INVS: variants seen among roughly 807,000 people sequenced by gnomAD.
INVS encodes the protein inversin.
In INVS, 86 loss-of-function variants were observed where a neutral mutation model predicts 108.8. That is an observed-to-expected ratio of 0.79 (90% confidence interval 0.66 to 0.95). The LOEUF (loss-of-function observed/expected upper bound fraction) is 0.95. INVS is among the 40% of genes least tolerant of loss of function. The pLI, the probability that INVS is intolerant of heterozygous loss-of-function variation, is 0.00. For synonymous variants in INVS, 455 were observed against 473.5 expected, an observed-to-expected ratio of 0.96 and a Z score of 0.51; for missense variants, 1,169 against 1,297.4, an observed-to-expected ratio of 0.90 and a Z score of 1.52.
rs772048589 is a variant in INVS, at chr9:100,284,531, C to T, written c.1996C>T (p.Leu666=). ...RDSRGSPGGS[L]GGALQKEQHV... ...CAGCAGAGGATCTCCAGGAGGGTCT[C>T]TAGGCGGAGCCCTCCAGAAGGAGCA... Residue 666 remains leucine (L), a synonymous_variant, in exon 13 of 17, where the codon CTA becomes TTA. Transcript: ENST00000262457. 2 of 1,613,914 alleles carry T rather than the reference C, an allele frequency of 1.2e-6. No homozygotes were observed. The highest frequency in any genetic ancestry group is 1.7e-5 in the Admixed American group (1 of 60,002).
At chr9:100,223,490 C>T (rs1202910551) in intron 3 of INVS, among the ~76,000 whole-genome samples, 2 of 152,130 alleles carry the variant, frequency 1.3e-5, no homozygotes, top group Admixed American at 6.5e-5. Context: ...ATTTATTAGG[C>T]ACCTATTCTG....
chr9:100,154,583 A>G (rs951034126), intron 3 of INVS, among the ~76,000 whole-genome samples: 1 of 152,006 alleles, frequency 6.6e-6, no homozygotes, highest in Non-Finnish European at 1.5e-5. Context: ...TAACATTATA[A>G]AATGATCTGG....
chr9:100,101,328 G>A (rs1364584885), intron 1 of INVS: 1 of 151,758 alleles, frequency 6.6e-6, no homozygotes. Context: ...ATAGCCTGAG[G>A]ACACACTGCT....
At chr9:100,133,336 T>TTGTG (rs1554715761) in intron 3 of INVS, among the ~76,000 whole-genome samples, 1 of 148,250 alleles carries the variant, frequency 6.7e-6, no homozygotes, top group African/African-American at 2.6e-5. Context: ...TACCTTTACT[T>TTGTG]TATGTGTGTG....
At chr9:100,116,887 G>A (rs1187687963) in intron 2 of INVS, 1 of 1,262,870 alleles carries the variant, frequency 7.9e-7, no homozygotes. Context: ...GGGTCAGGTA[G>A]CTGTAGGTCT....
At chr9:100,112,102 C>T (rs191566297) in intron 2 of INVS, among the ~76,000 whole-genome samples, 79 of 152,096 alleles carry the variant, frequency 5.2e-4, no homozygotes, top group African/African-American at 1.9e-3. Context: ...CTCCCGAGTA[C>T]CTGGGACCAC....
At chr9:100,282,214 C>A (rs1423735886) in intron 12 of INVS, among the ~76,000 whole-genome samples, 1 of 152,160 alleles carries the variant, frequency 6.6e-6, no homozygotes, top group Non-Finnish European at 1.5e-5. Context: ...GAAAAGCAGC[C>A]TTGTCCCAGA....
chr9:100,278,035 C>G (rs1833160418), intron 12 of INVS, among the ~76,000 whole-genome samples: 1 of 151,896 alleles, frequency 6.6e-6, no homozygotes, highest in African/African-American at 2.4e-5. Context: ...TTGAGACCAG[C>G]CCAGCAGTTC....
At chr9:100,225,416 A>G (rs1423445297) in intron 3 of INVS, among the ~76,000 whole-genome samples, 5 of 152,216 alleles carry the variant, frequency 3.3e-5, no homozygotes, top group Admixed American at 2.6e-4. Flanking sequence ...CTTTAAGAAA[A>G]CTAATCATCC....
intron 3 of INVS, among the ~76,000 whole-genome samples, chr9:100,192,882 A>AT (rs954547715): frequency 2.0e-5 from 3 of 150,560 alleles, no homozygotes; most frequent in African/African-American, 7.3e-5. Context: ...TCCTTTACCC[A>AT]TTTTTTTCTG....
At chr9:100,224,623 C>CT (rs796982619) in intron 3 of INVS, among the ~76,000 whole-genome samples, 161 of 147,118 alleles carry the variant, frequency 1.1e-3, no homozygotes, top group African/African-American at 2.8e-3. Flanking sequence ...GCTTCTTTCT[C>CT]TTTTTTTTTT....
chr9:100,292,832 G>C lies in INVS; in HGVS notation c.2575G>C (p.Ala859Pro). The C allele has an allele frequency of 6.2e-7, 1 of 1,614,138 alleles. No homozygotes were observed. Among genetic ancestry groups the C allele is most frequent in the Non-Finnish European group, 8.5e-7 (1 of 1,180,016 alleles). Residue 859 changes from alanine (A) to proline (P), a missense_variant, in exon 14 of 17, where the codon GCT becomes CCT. By Grantham distance (27) the Ala-to-Pro change is conservative. Coordinates refer to ENST00000262457, the MANE Select transcript of INVS (RefSeq NM_014425.5). The stretch of plus-strand genomic sequence containing the variant: ...GAGCACAGAGGAGTTGAGGTCAGGA[G>C]CTAGGAGGCTGGAGACATCTACCCT... ...PQSTEELRSG[A>P]RRLETSTLSE...
intron 12 of INVS, among the ~76,000 whole-genome samples, chr9:100,280,627 ATC>A: frequency 6.6e-6 from 1 of 152,326 alleles, no homozygotes; most frequent in South Asian, 2.1e-4. Context: ...AACTAGAATA[ATC>A]TTTTTCTGAT....
At chr9:100,126,575 G>A (rs1167026337) in intron 3 of INVS, 26 bp downstream of exon 3, 3 of 1,611,812 alleles carry the variant, frequency 1.9e-6, no homozygotes, top group East Asian at 2.2e-5. Context: ...TCCTTGAAGA[G>A]TAAATGTTTT....
At chr9:100,266,341 G>T (rs971986057) in intron 11 of INVS, among the ~76,000 whole-genome samples, 1 of 152,158 alleles carries the variant, frequency 6.6e-6, no homozygotes, top group Non-Finnish European at 1.5e-5. Flanking sequence ...TAAAAGAATG[G>T]CTACTCCAGA....
chr9:100,249,963 G>T (rs116561984), intron 8 of INVS, among the ~76,000 whole-genome samples: 1,736 of 151,870 alleles, frequency 0.011, 26 homozygotes, highest in African/African-American at 0.039. Flanking sequence ...AAATGAGCTG[G>T]GTGTGGTGGT....
At chr9:100,283,475 T>C (rs1833339621) in intron 12 of INVS, among the ~76,000 whole-genome samples, 1 of 152,084 alleles carries the variant, frequency 6.6e-6, no homozygotes, top group African/African-American at 2.4e-5. Flanking sequence ...AAATTAAGTG[T>C]TTTTCCTCCT....
chr9:100,172,032 T>C (rs532590573), intron 3 of INVS, among the ~76,000 whole-genome samples: 79 of 152,132 alleles, frequency 5.2e-4, no homozygotes, highest in Non-Finnish European at 1.0e-3. Flanking sequence ...CTGTAAAACC[T>C]TTGATTATGT....
intron 3 of INVS, among the ~76,000 whole-genome samples, chr9:100,223,896 G>A (rs1327193828): frequency 2.0e-5 from 3 of 152,124 alleles, no homozygotes; most frequent in Non-Finnish European, 2.9e-5. Context: ...GTTCTCATTC[G>A]TCCTTCTGCA....
Sources: allele counts gnomAD v4.1 joint callset (sites outside exome capture counted in the v4.1 genomes callset), GRCh38; gene constraint gnomAD v4.1.1; transcripts MANE v1.5; gene names NCBI Gene and HGNC (gene_info 2026-07-23, HGNC 2026-07-21).